Variants in CDH4 observed in about 807,000 individuals in gnomAD.
CDH4 encodes the protein cadherin-4.
CDH4 carries 33 observed loss-of-function variants against 86.0 expected under a neutral mutation model. That is an observed-to-expected ratio of 0.38 (90% CI 0.29 to 0.51). CDH4 has a LOEUF of 0.51. Ranked by LOEUF, CDH4 falls within the 20% of genes least tolerant of loss-of-function variation. CDH4 has a pLI of 0.86. For synonymous variants in CDH4, 555 were observed against 549.4 expected (o/e 1.01, Z -0.14); for missense variants, 1,114 against 1,307.4 (o/e 0.85, Z 2.28).
At chr20:61,892,450 A>G (rs542788242) in intron 7 of CDH4, among the ~76,000 whole-genome samples, 1 of 152,332 alleles carries the variant, frequency 6.6e-6, no homozygotes, top group South Asian at 2.1e-4. Context: ...GGGAGGACAC[A>G]ATAAACGTAA....
chr20:61,431,964 C>T (rs1600973214), intron 2 of CDH4, among the ~76,000 whole-genome samples: 2 of 152,286 alleles, frequency 1.3e-5, no homozygotes, highest in African/African-American at 4.8e-5. Context: ...GCTCTGTCCG[C>T]GTCATTGTGC....
intron 2 of CDH4, among the ~76,000 whole-genome samples, chr20:61,367,598 T>C (rs373625116): frequency 1.1e-4 from 16 of 151,684 alleles, no homozygotes; most frequent in African/African-American, 3.4e-4. Flanking sequence ...ATGACAGTTA[T>C]AGATCATAAC....
At chr20:61,730,193 T>C (rs1380091028) in intron 2 of CDH4, among the ~76,000 whole-genome samples, 1 of 152,160 alleles carries the variant, frequency 6.6e-6, no homozygotes, top group Non-Finnish European at 1.5e-5. Flanking sequence ...GGGCTCTGTC[T>C]TGGTGTGGCG....
At chr20:61,881,410 G>A (rs1401352055) in intron 7 of CDH4, among the ~76,000 whole-genome samples, 1 of 152,232 alleles carries the variant, frequency 6.6e-6, no homozygotes, top group East Asian at 1.9e-4. Flanking sequence ...GGCTGCGGAA[G>A]AAATAAACCA....
intron 2 of CDH4, among the ~76,000 whole-genome samples, chr20:61,306,216 A>G (rs1383500336): frequency 2.0e-5 from 3 of 152,198 alleles, no homozygotes; most frequent in Non-Finnish European, 4.4e-5. Flanking sequence ...GTGAATCTGG[A>G]CTCAAGAAAT....
chr20:61,903,942 C>T lies in CDH4; in HGVS notation c.1189-6480C>T, dbSNP rs190112980. On this transcript the variant is annotated intron_variant, in intron 8 of 15. Transcript: ENST00000614565. ...ACAGGCCTGTCTCCTTGCGAGGGCC[C>T]GCAAGCTTCTCCTCTCTGCTGCTGC... is the stretch of plus-strand genomic sequence containing the variant. Among the ~76,000 whole-genome samples the T allele has an allele frequency of 1.3e-4, 20 of 152,344 alleles. No individual in the cohort carries two copies. In the East Asian group the frequency reaches 2.3e-3, roughly 18 times the overall value.
At chr20:61,356,741 T>C (rs1809335229) in intron 2 of CDH4, among the ~76,000 whole-genome samples, 1 of 152,230 alleles carries the variant, frequency 6.6e-6, no homozygotes, top group Admixed American at 6.5e-5. Context: ...GAAATTTTTT[T>C]CATCTATTAG....
At chr20:61,577,887 C>T (rs2086395540) in intron 2 of CDH4, among the ~76,000 whole-genome samples, 1 of 152,166 alleles carries the variant, frequency 6.6e-6, no homozygotes, top group Admixed American at 6.5e-5. Context: ...GCAAACTAGC[C>T]TGAGGCAAAG....
intron 2 of CDH4, among the ~76,000 whole-genome samples, chr20:61,605,333 CTCTG>C (rs1352800026): frequency 6.6e-6 from 1 of 151,486 alleles, no homozygotes; most frequent in Non-Finnish European, 1.5e-5. Context: ...GCCTCTCTCT[CTCTG>C]TGTGTCTCTC....
intron 2 of CDH4, among the ~76,000 whole-genome samples, chr20:61,636,672 C>G (rs929570933): frequency 6.6e-6 from 1 of 152,194 alleles, no homozygotes; most frequent in Non-Finnish European, 1.5e-5. Context: ...CAAGGCTGCC[C>G]GTCCCACCTG....
intron 5 of CDH4, among the ~76,000 whole-genome samples, chr20:61,846,084 C>T (rs559959398): frequency 6.6e-6 from 1 of 152,350 alleles, no homozygotes; most frequent in East Asian, 1.9e-4. Context: ...ACAGTGGCCT[C>T]CCTGACAGCC....
intron 2 of CDH4, among the ~76,000 whole-genome samples, chr20:61,540,800 C>T (rs1284898984): frequency 6.6e-6 from 1 of 152,060 alleles, no homozygotes; most frequent in Non-Finnish European, 1.5e-5. Context: ...AGGAATTTTT[C>T]CTCTTTCTGC....
At chr20:61,787,448 G>A (rs1044948400) in intron 4 of CDH4, among the ~76,000 whole-genome samples, 1 of 152,108 alleles carries the variant, frequency 6.6e-6, no homozygotes, top group South Asian at 2.1e-4. Context: ...TCACTATCAC[G>A]AGCGCAACAT....
chr20:61,273,381 G>A (rs1332226656), intron 2 of CDH4, among the ~76,000 whole-genome samples: 6 of 129,930 alleles, frequency 4.6e-5, no homozygotes, highest in South Asian at 5.5e-4. Flanking sequence ...GTTTAGGGGA[G>A]TACCGTGTGC....
intron 4 of CDH4, among the ~76,000 whole-genome samples, chr20:61,799,521 G>A (rs756274413): frequency 1.3e-5 from 2 of 152,210 alleles, no homozygotes; most frequent in African/African-American, 2.4e-5. Context: ...TTCCAGGTGG[G>A]TTGGCATCAC....
intron 2 of CDH4, among the ~76,000 whole-genome samples, chr20:61,472,295 C>G (rs1324524952): frequency 1.3e-5 from 2 of 152,164 alleles, no homozygotes; most frequent in Non-Finnish European, 2.9e-5. Flanking sequence ...GTCTTGAAAT[C>G]TATTTTGTCT....
Position 61,628,273 on chromosome 20 carries a change from G to C in CDH4, c.170-115290G>C, listed in dbSNP as rs146261632. On this transcript the variant is annotated intron_variant, in intron 2 of 15. Coordinates refer to ENST00000614565, the MANE Select transcript of CDH4 (RefSeq NM_001794.5). The stretch of plus-strand genomic sequence containing the variant: ...AGGTCTCGTAGAGATGGTGCCGCCT[G>C]CCGTGCCACGGTTTTCCTCACTGCC... Among the ~76,000 whole-genome samples the C allele has an allele frequency of 1.8e-3, 281 of 152,230 alleles. 3 individuals carry two copies. Among genetic ancestry groups the C allele is most frequent in the African/African-American group, 6.5e-3 (271 of 41,562 alleles).
chr20:61,899,579 C>A (rs1195954864), intron 8 of CDH4, among the ~76,000 whole-genome samples: 1 of 152,098 alleles, frequency 6.6e-6, no homozygotes, highest in Non-Finnish European at 1.5e-5. Flanking sequence ...AGGCGCCTGC[C>A]ACCACGCCCG....
chr20:61,528,992 T>C (rs1226460619), intron 2 of CDH4, among the ~76,000 whole-genome samples: 6 of 152,214 alleles, frequency 3.9e-5, no homozygotes, highest in Non-Finnish European at 8.8e-5. Flanking sequence ...AGGAAGGGTT[T>C]TCTGGTGAAA....
Sources: gnomAD v4.1 joint callset for allele counts (sites outside exome capture counted in the v4.1 genomes callset) on GRCh38, gnomAD v4.1.1 for gene constraint, MANE v1.5 for transcripts, NCBI Gene and HGNC (gene_info 2026-07-23, HGNC 2026-07-21) for gene names.